Variants in PRKCE observed in about 807,000 individuals in gnomAD.
The protein encoded by PRKCE is protein kinase C epsilon, also known as protein kinase C epsilon type.
In PRKCE, 16 loss-of-function variants were observed where a neutral mutation model predicts 85.4. That is an observed-to-expected ratio of 0.19 (90% confidence interval 0.13 to 0.28). The LOEUF (loss-of-function observed/expected upper bound fraction) is 0.28. Ranked by LOEUF, PRKCE falls within the 10% of genes least tolerant of loss-of-function variation. The pLI, the probability that PRKCE is intolerant of heterozygous loss-of-function variation, is 1.00. For synonymous variants in PRKCE, 388 were observed against 371.5 expected, an observed-to-expected ratio of 1.04 and a Z score of -0.51; for missense variants, 573 against 975.2, an observed-to-expected ratio of 0.59 and a Z score of 5.49.
At chr2:46,080,918 C>T (rs1378632808) in intron 10 of PRKCE, among the ~76,000 whole-genome samples, 1 of 152,004 alleles carries the variant, frequency 6.6e-6, no homozygotes, top group Admixed American at 6.5e-5. Flanking sequence ...CTCACGGCAG[C>T]AGGCTGGCTT....
intron 2 of PRKCE, among the ~76,000 whole-genome samples, chr2:45,867,216 A>G (rs989735140): frequency 2.0e-5 from 3 of 152,222 alleles, no homozygotes; most frequent in African/African-American, 7.2e-5. Context: ...GTCAAGCACC[A>G]AATGCACCTA....
intron 2 of PRKCE, among the ~76,000 whole-genome samples, chr2:45,944,083 C>T (rs1460614851): frequency 6.6e-6 from 1 of 152,174 alleles, no homozygotes. Flanking sequence ...AGGACTCAAC[C>T]ATGTTGGCAA....
At chr2:45,713,699 T>G in intron 1 of PRKCE, among the ~76,000 whole-genome samples, 1 of 152,292 alleles carries the variant, frequency 6.6e-6, no homozygotes, top group African/African-American at 2.4e-5. Flanking sequence ...CAGAAAAGCC[T>G]AAAGATGTGG....
intron 1 of PRKCE, among the ~76,000 whole-genome samples, chr2:45,726,296 G>C (rs1213078294): frequency 6.6e-6 from 1 of 152,182 alleles, no homozygotes; most frequent in Non-Finnish European, 1.5e-5. Flanking sequence ...GAAATCTTTT[G>C]TGAAAGGAAG....
In PRKCE at chr2:45,839,369, A is replaced by C. The variant is rs565396434; in HGVS notation, c.349-3631A>C. On this transcript the variant is annotated intron_variant, in intron 1 of 14. Coordinates refer to ENST00000306156, the MANE Select transcript of PRKCE (RefSeq NM_005400.3). ...TGCTTCTGGCCCGTGCTGGAGGGGT[A>C]GCCAAGGCACCGTAGTGTGAAAGAG... is the stretch of plus-strand genomic sequence containing the variant. 2.0e-4 allele frequency among the ~76,000 whole-genome samples: 30 copies of C among 152,106 alleles called. No individual in the cohort carries two copies. The South Asian group carries it at 5.8e-3, about 29-fold the overall frequency.
At chr2:46,093,842 A>C (rs1670422064) in intron 11 of PRKCE, among the ~76,000 whole-genome samples, 1 of 152,108 alleles carries the variant, frequency 6.6e-6, no homozygotes, top group Non-Finnish European at 1.5e-5. Flanking sequence ...CCATCCTCTC[A>C]ATATGGTTTA....
rs989033305 is a variant in PRKCE at position 46,106,798 on chromosome 2, A to AT, written c.1592+20440dup. Among the ~76,000 whole-genome samples the AT allele has an allele frequency of 2.0e-5, 3 of 152,238 alleles. No individual in the cohort carries two copies. In the South Asian group the frequency reaches 6.2e-4, roughly 32 times the overall value. ...AAAGGCCCTGTCTCCAAATACAGTG[A>AT]TTTTCTGAGTTATGGAGGGTTAGGG... On this transcript the variant is annotated intron_variant, in intron 11 of 14. Coordinates refer to ENST00000306156, the MANE Select transcript of PRKCE (RefSeq NM_005400.3).
rs548430781 is a variant in PRKCE at position 46,145,697 on chromosome 2, G to A, written c.1731+466G>A. Among the ~76,000 whole-genome samples the A allele has an allele frequency of 6.6e-6, 1 of 152,024 alleles. No individual in the cohort carries two copies. The highest frequency in any genetic ancestry group is 1.5e-5 in the Non-Finnish European group (1 of 67,996). ...AGCCGGGGCAACATGGTGAAACCCT[G>A]TCTATATAAAAAATACAAAAATTAG... is the stretch of plus-strand genomic sequence containing the variant. On this transcript the variant is annotated intron_variant, in intron 12 of 14. Coordinates refer to ENST00000306156, the MANE Select transcript of PRKCE (RefSeq NM_005400.3). The surrounding 1 kb of genome is among the most constrained non-coding windows in gnomAD (Gnocchi z 4.6).
chr2:45,838,553 C>T (rs903428190), intron 1 of PRKCE, among the ~76,000 whole-genome samples: 3 of 152,218 alleles, frequency 2.0e-5, no homozygotes, highest in South Asian at 4.1e-4. Context: ...CTTCCTGCCC[C>T]GGGTTTCCCC....
At chr2:45,863,404 A>G (rs1369188407) in intron 2 of PRKCE, among the ~76,000 whole-genome samples, 2 of 152,070 alleles carry the variant, frequency 1.3e-5, no homozygotes, top group South Asian at 4.2e-4. Flanking sequence ...GTAAAATAGC[A>G]CTTGCAAAGT....
chr2:45,821,043 G>T (rs1406689789), intron 1 of PRKCE, among the ~76,000 whole-genome samples: 1 of 152,142 alleles, frequency 6.6e-6, no homozygotes, highest in Non-Finnish European at 1.5e-5. Flanking sequence ...GGTCAGGGGA[G>T]CCAAGCCTGG....
At chr2:45,669,467 A>G (rs558411302) in intron 1 of PRKCE, among the ~76,000 whole-genome samples, 1 of 152,340 alleles carries the variant, frequency 6.6e-6, no homozygotes, top group East Asian at 1.9e-4. Flanking sequence ...CTTACCGCGC[A>G]GCGTGGCTGA....
chr2:45,816,748 G>C (rs575333463), intron 1 of PRKCE, among the ~76,000 whole-genome samples: 1 of 152,004 alleles, frequency 6.6e-6, no homozygotes, highest in Non-Finnish European at 1.5e-5. Flanking sequence ...GGATCAGATG[G>C]CCCCTTCCCA....
chr2:45,679,504 G>C (rs896252423), intron 1 of PRKCE, among the ~76,000 whole-genome samples: 1 of 152,152 alleles, frequency 6.6e-6, no homozygotes, highest in Admixed American at 6.5e-5. Flanking sequence ...ATCTAAGTCT[G>C]TTTATAATAA....
chr2:46,084,131 T>C (rs919351516), intron 10 of PRKCE, among the ~76,000 whole-genome samples: 4 of 152,146 alleles, frequency 2.6e-5, no homozygotes, highest in African/African-American at 9.7e-5. Flanking sequence ...AAAATTGTAC[T>C]CTGGGGAGAA....
In PRKCE at chr2:45,978,908, T is replaced by A. The variant is rs1574095216; in HGVS notation, c.573-68T>A. On this transcript the variant is annotated intron_variant, in intron 3 of 14. Transcript: ENST00000306156. The stretch of plus-strand genomic sequence containing the variant: ...GTGGGTGGTGGCCCAAATTGGGTGG[T>A]TTTTCTGTTTGTTTTTTGACCTGGT... The A allele has an allele frequency of 2.0e-6, 3 of 1,500,620 alleles. No homozygotes were observed. In the African/African-American group the frequency reaches 4.1e-5, roughly 21 times the overall value. 93.0% of individuals were successfully genotyped at this position (1,500,620 alleles called of 1,614,324 possible). A position where few individuals can be genotyped will look rare whatever the true frequency, so the allele number is the denominator to read the frequency against.
chr2:46,072,113 T>C (rs1340529185), intron 10 of PRKCE, among the ~76,000 whole-genome samples: 2 of 152,214 alleles, frequency 1.3e-5, no homozygotes, highest in African/African-American at 4.8e-5. Context: ...TGAATGGAAA[T>C]ATGGAGATCA....
At chr2:46,119,677 A>G (rs948997812) in intron 11 of PRKCE, among the ~76,000 whole-genome samples, 5 of 152,206 alleles carry the variant, frequency 3.3e-5, no homozygotes, top group Non-Finnish European at 5.9e-5. Flanking sequence ...TAGCAAGTGA[A>G]GAAATATTTG....
intron 1 of PRKCE, among the ~76,000 whole-genome samples, chr2:45,739,625 G>A (rs1457958574): frequency 6.6e-6 from 1 of 152,154 alleles, no homozygotes; most frequent in Non-Finnish European, 1.5e-5. Context: ...ATTATCTCAT[G>A]TATGTGGCTC....
Sources: gnomAD v4.1 joint callset for allele counts (sites outside exome capture counted in the v4.1 genomes callset) on GRCh38, gnomAD v4.1.1 for gene constraint, Gnocchi (gnomAD v3.1) non-coding constraint, MANE v1.5 for transcripts, NCBI Gene and HGNC (gene_info 2026-07-23, HGNC 2026-07-21) for gene names.